Variants in BCAS3 observed in about 807,000 individuals in gnomAD.
BCAS3 encodes BCAS4/BCAS3 fusion.
In BCAS3, 53 loss-of-function variants were observed where a neutral mutation model predicts 116.1. The observed-to-expected ratio is 0.46, with a 90% CI of 0.37 to 0.57. The LOEUF (loss-of-function observed/expected upper bound fraction) is 0.57, where lower values mean the gene tolerates loss of function less well. Ranked by LOEUF, BCAS3 falls within the 20% of genes least tolerant of loss-of-function variation. The pLI is 0.00. For synonymous variants in BCAS3, 391 were observed against 408.2 expected, an observed-to-expected ratio of 0.96 and a Z score of 0.51; for missense variants, 917 against 1,165.4, an observed-to-expected ratio of 0.79 and a Z score of 3.10.
chr17:60,818,143 T>C (rs1421761492), intron 7 of BCAS3, among the ~76,000 whole-genome samples: 1 of 152,122 alleles, frequency 6.6e-6, no homozygotes, highest in Admixed American at 6.6e-5. Flanking sequence ...ATGTGAGCCA[T>C]TGCACCCAGC....
chr17:60,783,348 G>T (rs1281036391), intron 6 of BCAS3, among the ~76,000 whole-genome samples: 2 of 152,234 alleles, frequency 1.3e-5, no homozygotes, highest in African/African-American at 2.4e-5. Flanking sequence ...GGGACTACAG[G>T]TGCACACCAC....
At chr17:60,903,230 T>C (rs1489815913) in intron 11 of BCAS3, among the ~76,000 whole-genome samples, 1 of 152,064 alleles carries the variant, frequency 6.6e-6, no homozygotes, top group Non-Finnish European at 1.5e-5. Flanking sequence ...AATGACAGAG[T>C]GAATCTAAAA....
intron 22 of BCAS3, among the ~76,000 whole-genome samples, chr17:61,351,447 C>T (rs1397801959): frequency 6.6e-6 from 1 of 152,132 alleles, no homozygotes; most frequent in South Asian, 2.1e-4. Flanking sequence ...ATTCCACGTT[C>T]GATTTTTGAA....
At position 61,067,293 on chromosome 17, in the gene BCAS3, A is replaced by G. The variant is rs1168273537; in HGVS notation, c.2030-7627A>G. On this transcript the variant is annotated intron_variant, in intron 19 of 23. Transcript: ENST00000407086. The stretch of plus-strand genomic sequence containing the variant: ...TATGTGTATATATATATATATATAT[A>G]TATATATATATATATATATATATTT... 7.9e-5 allele frequency among the ~76,000 whole-genome samples: 10 copies of G among 126,436 alleles called. 1 individual carries two copies. The highest frequency in any genetic ancestry group is 3.1e-4 in the African/African-American group (10 of 32,638). The allele number at this position is 126,436 out of a possible 152,430, so 82.9% of individuals were successfully genotyped here.
At chr17:61,371,921 G>A (rs1418097549) in intron 23 of BCAS3, among the ~76,000 whole-genome samples, 4 of 152,216 alleles carry the variant, frequency 2.6e-5, no homozygotes, top group Non-Finnish European at 5.9e-5. Context: ...TCTTTGGTCC[G>A]TGATGGATGC....
chr17:60,922,426 A>C (rs2059153114), intron 12 of BCAS3, among the ~76,000 whole-genome samples: 1 of 152,134 alleles, frequency 6.6e-6, no homozygotes, highest in African/African-American at 2.4e-5. Flanking sequence ...CGCCTGGCCC[A>C]ATTTTAGCTC....
chr17:60,766,684 C>A (rs1234461777), intron 6 of BCAS3, among the ~76,000 whole-genome samples: 1 of 152,212 alleles, frequency 6.6e-6, no homozygotes, highest in African/African-American at 2.4e-5. Context: ...TCTGTCTTTT[C>A]TCAGAGCTCA....
intron 22 of BCAS3, among the ~76,000 whole-genome samples, chr17:61,230,805 A>G (rs981398167): frequency 6.6e-6 from 1 of 152,144 alleles, no homozygotes; most frequent in African/African-American, 2.4e-5. Flanking sequence ...GGATATATAT[A>G]TACCCATAAT....
At chr17:60,808,553 T>C (rs1031961066) in intron 7 of BCAS3, among the ~76,000 whole-genome samples, 2 of 152,208 alleles carry the variant, frequency 1.3e-5, no homozygotes, top group African/African-American at 4.8e-5. Flanking sequence ...GGTTAGGTCA[T>C]GGAGTCTTGA....
rs767888903 is a variant in BCAS3 at position 61,013,672 on chromosome 17, T to C, written c.1487-2079T>C. On this transcript the variant is annotated intron_variant, in intron 15 of 23. Transcript: ENST00000407086. This position sits in a 1 kb window ranked among gnomAD's most constrained non-coding sequence, Gnocchi z 4.4. Reference sequence around the variant, plus strand: ...GTTAACTTTAATGTGTATTCTGAATTGGAAATTGAGGAGATAGAGAACGAT... The same window carrying C: ...GTTAACTTTAATGTGTATTCTGAATCGGAAATTGAGGAGATAGAGAACGAT... Among the ~76,000 whole-genome samples the C allele has an allele frequency of 3.3e-4, 50 of 152,110 alleles. No individual in the cohort carries two copies. The highest frequency in any genetic ancestry group is 5.2e-4 in the Admixed American group (8 of 15,252).
chr17:60,933,330 T>C (rs2059759979), intron 13 of BCAS3, among the ~76,000 whole-genome samples: 1 of 152,256 alleles, frequency 6.6e-6, no homozygotes, highest in Non-Finnish European at 1.5e-5. Context: ...AAGCCTGACA[T>C]GAACCTTTAA....
chr17:61,135,784 T>C (rs2076593817), intron 22 of BCAS3: 1 of 152,254 alleles, frequency 6.6e-6, no homozygotes, highest in African/African-American at 2.4e-5. Flanking sequence ...GTCTGTTCAC[T>C]TATGTATTAT....
rs1006444779 is a variant in BCAS3, at chr17:61,276,320, T to C, written c.2426-92007T>C. Among the ~76,000 whole-genome samples, 2 of 152,042 alleles carry C rather than the reference T, an allele frequency of 1.3e-5. No homozygotes were observed. The highest frequency in any genetic ancestry group is 2.9e-5 in the Non-Finnish European group (2 of 68,024). ...GTGAGCCAAGATCATGCCATTGCAC[T>C]CCAGCCTGGGCTACAGGACGAGACT... On this transcript the variant is annotated intron_variant, in intron 22 of 23. Transcript: ENST00000407086. The surrounding 1 kb of genome is among the most constrained non-coding windows in gnomAD (Gnocchi z 4.2).
chr17:61,144,614 T>C lies in BCAS3; in HGVS notation c.2425+60050T>C, dbSNP rs2077098100. 6.6e-6 allele frequency among the ~76,000 whole-genome samples: 1 copy of C among 152,234 alleles called. No homozygotes were observed. The highest frequency in any genetic ancestry group is 2.1e-4 in the South Asian group (1 of 4,834). On this transcript the variant is annotated intron_variant, in intron 22 of 23. Coordinates refer to ENST00000407086, the MANE Select transcript of BCAS3 (RefSeq NM_017679.5). The surrounding 1 kb of genome is among the most constrained non-coding windows in gnomAD (Gnocchi z 5.0). ...TCTGTGAAAGTTTGAAAATTTATGATTGTTGATCCTCAATAGTCAAAAAAG... is the reference window on the plus strand; with the variant it reads ...TCTGTGAAAGTTTGAAAATTTATGACTGTTGATCCTCAATAGTCAAAAAAG...
In BCAS3 at chr17:60,747,215, A is replaced by G; in HGVS notation, c.339A>G (p.Gln113=). The change falls in exon 6 of 24, where the codon CAA becomes CAG. Residue 113 remains glutamine (Q), a synonymous_variant. Coordinates refer to ENST00000407086, the MANE Select transcript of BCAS3 (RefSeq NM_017679.5). ...VWSIPISGEA[Q]ELFSVRHGPI... is the part of the protein sequence containing the mutation. ...TTATGCAGATCAGTGGTGAAGCACA[A>G]GAGCTCTTCTCTGTTCGACATGGCC... 6.2e-7 allele frequency: 1 copy of G among 1,612,918 alleles called. No individual in the cohort carries two copies. Among genetic ancestry groups the G allele is most frequent in the Non-Finnish European group, 8.5e-7 (1 of 1,178,988 alleles).
chr17:61,024,100 T>C (rs2066059481), intron 16 of BCAS3, among the ~76,000 whole-genome samples: 1 of 152,176 alleles, frequency 6.6e-6, no homozygotes, highest in African/African-American at 2.4e-5. Flanking sequence ...AGTGAAGTCA[T>C]AGGTGAAGAC....
rs1320015631 is a variant in BCAS3 at position 60,964,580 on chromosome 17, T to C, written c.1221+17228T>C. On this transcript the variant is annotated intron_variant, in intron 14 of 23. Coordinates refer to ENST00000407086, the MANE Select transcript of BCAS3 (RefSeq NM_017679.5). This position sits in a 1 kb window ranked among gnomAD's most constrained non-coding sequence, Gnocchi z 4.6. Reference sequence around the variant, plus strand: ...ATGAGTTTGGAAGTATGTCCTCCTCTTCAATTTTTTTGAAGAGTTTGAGTA... The same window carrying C: ...ATGAGTTTGGAAGTATGTCCTCCTCCTCAATTTTTTTGAAGAGTTTGAGTA... Among the ~76,000 whole-genome samples the C allele has an allele frequency of 6.6e-6, 1 of 152,206 alleles. No individual in the cohort carries two copies. Among genetic ancestry groups the C allele is most frequent in the Admixed American group, 6.5e-5 (1 of 15,284 alleles).
rs1250833288 is a variant in BCAS3 at position 61,344,859 on chromosome 17, A to T, written c.2426-23468A>T. Among the ~76,000 whole-genome samples the T allele has an allele frequency of 6.6e-6, 1 of 151,612 alleles. No homozygotes were observed. The highest frequency in any genetic ancestry group is 1.5e-5 in the Non-Finnish European group (1 of 67,936). ...AACCATGGCGAGGAGTTGCAATGTC[A>T]CTCCAGCCCCTTGTTTGCCACCATG... is the stretch of plus-strand genomic sequence containing the variant. On this transcript the variant is annotated intron_variant, in intron 22 of 23. Transcript: ENST00000407086. This position sits in a 1 kb window ranked among gnomAD's most constrained non-coding sequence, Gnocchi z 4.1.
chr17:60,683,160 A>G (rs1193031272), intron 2 of BCAS3, among the ~76,000 whole-genome samples: 1 of 152,204 alleles, frequency 6.6e-6, no homozygotes, highest in African/African-American at 2.4e-5. Context: ...TAATGCCTGT[A>G]TCTACCAGAA....
Sources: gnomAD v4.1 joint callset for allele counts (sites outside exome capture counted in the v4.1 genomes callset) on GRCh38, gnomAD v4.1.1 for gene constraint, Gnocchi (gnomAD v3.1) non-coding constraint, MANE v1.5 for transcripts, NCBI Gene and HGNC (gene_info 2026-07-23, HGNC 2026-07-21) for gene names.